IQCK: variants seen among roughly 807,000 people sequenced by gnomAD.
The protein encoded by IQCK is IQ motif containing K.
In IQCK, 29 loss-of-function variants were observed where a neutral mutation model predicts 28.1. That is an observed-to-expected ratio of 1.03 (90% CI 0.77 to 1.41). The LOEUF (loss-of-function observed/expected upper bound fraction) is 1.41, where lower values mean the gene tolerates loss of function less well. Ranked by LOEUF, IQCK falls within the 40% of genes most tolerant of loss-of-function variation. The pLI, the probability that IQCK is intolerant of heterozygous loss-of-function variation, is 0.00. For synonymous variants in IQCK, 113 were observed against 115.1 expected, an observed-to-expected ratio of 0.98 and a Z score of 0.12; for missense variants, 359 against 314.7, an observed-to-expected ratio of 1.14 and a Z score of -1.07.
chr16:19,740,827 G>A (rs951481911), intron 4 of IQCK, among the ~76,000 whole-genome samples: 1 of 151,858 alleles, frequency 6.6e-6, no homozygotes, highest in Non-Finnish European at 1.5e-5. Context: ...AAATTAGCCG[G>A]GCGTGGTGGC....
chr16:19,725,259 G>A (rs1289418500), intron 1 of IQCK, among the ~76,000 whole-genome samples: 1 of 151,948 alleles, frequency 6.6e-6, no homozygotes, highest in African/African-American at 2.4e-5. Flanking sequence ...GTGCAGTGGC[G>A]TGATCGTGCT....
rs185190061 is a variant in IQCK, at chr16:19,724,015, G to A, written c.181+5528G>A. On this transcript the variant is annotated intron_variant, in intron 1 of 7. Coordinates refer to ENST00000564186, the Ensembl canonical transcript of IQCK. ...CTCCCCTTCCTGCCCTGATGGGCCA[G>A]ACTCCTTGGGGGTGAGTCTTTGAGT... Among the ~76,000 whole-genome samples the A allele has an allele frequency of 2.1e-4, 32 of 151,170 alleles. No individual in the cohort carries two copies. The East Asian group carries it at 5.7e-3, about 27-fold the overall frequency.
At chr16:19,761,536 C>T in intron 4 of IQCK, 1 of 298,216 alleles carries the variant, frequency 3.4e-6, no homozygotes, top group South Asian at 2.8e-5. Context: ...CACCTCTAGA[C>T]TGACTTGATT....
downstream of IQCK, among the ~76,000 whole-genome samples, chr16:19,829,842 G>A (rs2056206304): frequency 6.6e-6 from 1 of 152,040 alleles, no homozygotes; most frequent in Non-Finnish European, 1.5e-5. Flanking sequence ...AATTACTTTT[G>A]CCCCAACCTA....
intron 1 of IQCK, among the ~76,000 whole-genome samples, chr16:19,725,978 C>G (rs1272966012): frequency 1.3e-5 from 2 of 149,396 alleles, no homozygotes; most frequent in South Asian, 4.2e-4. Flanking sequence ...TGCAGCGGCT[C>G]GATCTCTGCT....
chr16:19,774,290 T>C (rs1223977659), intron 6 of IQCK, among the ~76,000 whole-genome samples: 6 of 151,944 alleles, frequency 3.9e-5, no homozygotes, highest in African/African-American at 1.5e-4. Context: ...CTGAACAAAG[T>C]TCCCCCCGTA....
intron 1 of IQCK, among the ~76,000 whole-genome samples, chr16:19,725,346 G>A (rs756752111): frequency 4.6e-5 from 7 of 152,186 alleles, no homozygotes; most frequent in South Asian, 4.1e-4. Context: ...ACAGGCGTGC[G>A]CCACCACACC....
chr16:19,856,479 C>G lies in IQCK; in HGVS notation c.803-8C>G. The G allele has an allele frequency of 6.2e-7, 1 of 1,611,544 alleles. No homozygotes were observed. The highest frequency in any genetic ancestry group is 8.5e-7 in the Non-Finnish European group (1 of 1,178,056). ...TTGATCCTGACTTTCCCTTTCTTTT[C>G]TTTGCAGTGAAATGCAAAATGGAGG... On this transcript the variant is annotated splice_region_variant and splice_polypyrimidine_tract_variant and intron_variant, in intron 9 of 9. Coordinates refer to the IQCK transcript ENST00000320394.
At chr16:19,826,093 A>G (rs1392114378) in intron 7 of IQCK, among the ~76,000 whole-genome samples, 1 of 151,304 alleles carries the variant, frequency 6.6e-6, no homozygotes, top group East Asian at 2.0e-4. Context: ...TGCAGCCTCA[A>G]CCTCCCAGGC....
intron 4 of IQCK, among the ~76,000 whole-genome samples, chr16:19,755,303 G>T (rs1260170539): frequency 6.6e-6 from 1 of 152,156 alleles, no homozygotes; most frequent in East Asian, 1.9e-4. Flanking sequence ...CAGGAATATG[G>T]ATCAGGCCCT....
chr16:19,726,255 G>C (rs1349737401), intron 1 of IQCK, among the ~76,000 whole-genome samples: 1 of 152,106 alleles, frequency 6.6e-6, no homozygotes, highest in Admixed American at 6.5e-5. Flanking sequence ...ATGATAGCAA[G>C]TAATAAAGAA....
At chr16:19,765,081 G>A (rs1216575790) in intron 6 of IQCK, among the ~76,000 whole-genome samples, 2 of 148,964 alleles carry the variant, frequency 1.3e-5, no homozygotes, top group African/African-American at 4.9e-5. Context: ...AATTAGCCAG[G>A]CATAGTGGCG....
chr16:19,718,304 G>C, exon 1 of IQCK: 1 of 1,602,776 alleles, frequency 6.2e-7, no homozygotes, highest in Non-Finnish European at 8.5e-7. Flanking sequence ...GGAAACCGCG[G>C]CCATGGCGGC....
chr16:19,822,385 CAA>C (rs1216507836), intron 7 of IQCK, among the ~76,000 whole-genome samples: 6 of 61,166 alleles, frequency 9.8e-5, no homozygotes, highest in Non-Finnish European at 1.7e-4. Flanking sequence ...GACTCTGTCT[CAA>C]AAAAAAAAAA....
chr16:19,826,718 T>C (rs1007874797), intron 7 of IQCK, among the ~76,000 whole-genome samples: 1 of 152,166 alleles, frequency 6.6e-6, no homozygotes, highest in African/African-American at 2.4e-5. Flanking sequence ...CCTGCTTGCT[T>C]TTACTTTTTA....
exon 10 of IQCK, chr16:19,858,249 C>T: frequency 2.6e-6 from 1 of 378,580 alleles, no homozygotes; most frequent in Non-Finnish European, 4.7e-6. Flanking sequence ...ATTATGAAGG[C>T]GTTCAGCCCA....
intron 6 of IQCK, among the ~76,000 whole-genome samples, chr16:19,767,120 G>A (rs2055249994): frequency 6.6e-6 from 1 of 152,206 alleles, no homozygotes; most frequent in East Asian, 1.9e-4. Context: ...ACCTCTAGGG[G>A]AGCATACAGG....
chr16:19,844,931 C>G (rs2056399171), intron 9 of IQCK, among the ~76,000 whole-genome samples: 2 of 152,140 alleles, frequency 1.3e-5, no homozygotes, highest in Admixed American at 1.3e-4. Flanking sequence ...ACCTCAGCCT[C>G]CCTAGTAGCT....
chr16:19,826,332 A>T (rs1567195885), intron 7 of IQCK, among the ~76,000 whole-genome samples: 1 of 152,014 alleles, frequency 6.6e-6, no homozygotes, highest in Non-Finnish European at 1.5e-5. Context: ...TATTAATTAC[A>T]TGTTGAAGTA....
Sources: gnomAD v4.1 joint callset for allele counts (sites outside exome capture counted in the v4.1 genomes callset) on GRCh38, gnomAD v4.1.1 for gene constraint, MANE v1.5 for transcripts, NCBI Gene and HGNC (gene_info 2026-07-23, HGNC 2026-07-21) for gene names.